The following RALGPS1 variants were observed in gnomAD, a reference collection of about 807,000 sequenced individuals.
RALGPS1 encodes the protein ras-specific guanine nucleotide-releasing factor RalGPS1.
Under a neutral mutation model 78.8 loss-of-function variants are expected in RALGPS1, and 19 were observed. The ratio of observed to expected loss-of-function variants is 0.24; its 90% CI spans 0.17 to 0.35. The LOEUF (loss-of-function observed/expected upper bound fraction) is 0.35. Ranked by LOEUF, RALGPS1 falls within the 10% of genes least tolerant of loss-of-function variation. The pLI is 1.00. For synonymous variants in RALGPS1, 228 were observed against 256.3 expected (o/e 0.89, Z 1.06); for missense variants, 454 against 688.3 (o/e 0.66, Z 3.81).
At chr9:126,935,294 A>T (rs1213643208) in intron 1 of RALGPS1, among the ~76,000 whole-genome samples, 1 of 152,084 alleles carries the variant, frequency 6.6e-6, no homozygotes, top group Non-Finnish European at 1.5e-5. Context: ...TGCTCAATAA[A>T]CGTTACAAGA....
rs534952299 is a variant in RALGPS1, at chr9:127,172,346, G to A, written c.843-2369G>A. On this transcript the variant is annotated intron_variant, in intron 10 of 18. Coordinates refer to ENST00000259351, the MANE Select transcript of RALGPS1 (RefSeq NM_014636.3). ...TAATTTTTTTTTTCCTCTTGTTAAGGGTCCTGTCTGCCTGGTAGGTGAAGA... is the reference window on the plus strand; with the variant it reads ...TAATTTTTTTTTTCCTCTTGTTAAGAGTCCTGTCTGCCTGGTAGGTGAAGA... Among the ~76,000 whole-genome samples, 291 of 152,196 alleles carry A rather than the reference G, an allele frequency of 1.9e-3. 1 individual carries two copies. Among genetic ancestry groups the A allele is most frequent in the Middle Eastern group, 6.8e-3 (2 of 294 alleles).
At chr9:127,194,691 G>T (rs1212942373) in intron 11 of RALGPS1, among the ~76,000 whole-genome samples, 1 of 152,204 alleles carries the variant, frequency 6.6e-6, no homozygotes, top group South Asian at 2.1e-4. Context: ...GGGATTACAG[G>T]CGTGAGCCAC....
At chr9:127,044,172 C>T (rs1209015122) in intron 5 of RALGPS1, among the ~76,000 whole-genome samples, 1 of 152,086 alleles carries the variant, frequency 6.6e-6, no homozygotes, top group Non-Finnish European at 1.5e-5. Context: ...GATAATAAAC[C>T]ATGGTAAATC....
At chr9:127,125,544 G>T (rs554759357) in intron 8 of RALGPS1, among the ~76,000 whole-genome samples, 1 of 152,186 alleles carries the variant, frequency 6.6e-6, no homozygotes, top group Non-Finnish European at 1.5e-5. Context: ...GAAGCATTCG[G>T]CCCTGCGCCC....
intron 8 of RALGPS1, among the ~76,000 whole-genome samples, chr9:127,070,341 A>C (rs1183037888): frequency 2.6e-5 from 4 of 152,178 alleles, no homozygotes; most frequent in Admixed American, 1.3e-4. Context: ...GTATTTCTAC[A>C]TTTTTGCTAT....
chr9:127,068,428 G>C (rs2049900371), intron 7 of RALGPS1, among the ~76,000 whole-genome samples: 1 of 152,190 alleles, frequency 6.6e-6, no homozygotes, highest in African/African-American at 2.4e-5. Flanking sequence ...TGAGCAGTCT[G>C]CTTTTCTACC....
intron 8 of RALGPS1, among the ~76,000 whole-genome samples, chr9:127,154,081 C>A (rs1343686827): frequency 5.3e-5 from 8 of 152,246 alleles, no homozygotes; most frequent in Non-Finnish European, 1.0e-4. Flanking sequence ...CCCCACCACA[C>A]AAGACCAGAC....
chr9:127,132,329 G>C (rs920162112), intron 8 of RALGPS1, among the ~76,000 whole-genome samples: 1 of 152,036 alleles, frequency 6.6e-6, no homozygotes, highest in African/African-American at 2.4e-5. Context: ...GGAAATAAAG[G>C]GTACGTTAAA....
intron 4 of RALGPS1, among the ~76,000 whole-genome samples, chr9:126,978,468 G>A (rs2040898165): frequency 6.6e-6 from 1 of 151,506 alleles, no homozygotes; most frequent in Admixed American, 6.6e-5. Flanking sequence ...TGTGAGATCA[G>A]GTAAACAAAA....
At chr9:127,152,136 C>G (rs910189308) in intron 8 of RALGPS1, among the ~76,000 whole-genome samples, 8 of 152,152 alleles carry the variant, frequency 5.3e-5, no homozygotes, top group African/African-American at 1.9e-4. Context: ...ATCACAGAAA[C>G]CTTGTCTTCT....
intron 8 of RALGPS1, among the ~76,000 whole-genome samples, chr9:127,103,647 G>A (rs2053944789): frequency 6.6e-6 from 1 of 152,194 alleles, no homozygotes; most frequent in Admixed American, 6.5e-5. Flanking sequence ...TAGGGAGGGG[G>A]AGCATGATGT....
At chr9:126,959,787 A>G (rs548052079) in intron 1 of RALGPS1, among the ~76,000 whole-genome samples, 59 of 152,244 alleles carry the variant, frequency 3.9e-4, no homozygotes, top group African/African-American at 1.2e-3. Context: ...CTTTACGTCT[A>G]TATGTTGACA....
intron 14 of RALGPS1, among the ~76,000 whole-genome samples, chr9:127,208,556 G>C (rs906880237): frequency 6.6e-6 from 1 of 152,130 alleles, no homozygotes; most frequent in African/African-American, 2.4e-5. Flanking sequence ...GGACGGTAAG[G>C]GTGCTTTACA....
chr9:127,054,477 G>GGGTCTTGCGCAGAGATAC (rs2048545982), intron 7 of RALGPS1, among the ~76,000 whole-genome samples: 1 of 152,194 alleles, frequency 6.6e-6, no homozygotes, highest in Non-Finnish European at 1.5e-5. Context: ...GGGTGTCTAA[G>GGGTCTTGCGCAGAGATAC]GGTCTTGCGC....
intron 1 of RALGPS1, among the ~76,000 whole-genome samples, chr9:126,934,659 C>T (rs1210212230): frequency 3.3e-5 from 5 of 152,180 alleles, no homozygotes; most frequent in East Asian, 1.9e-4. Flanking sequence ...CTCCTGTCAA[C>T]GGTTTTTTAA....
intron 8 of RALGPS1, among the ~76,000 whole-genome samples, chr9:127,127,561 G>T (rs1429590925): frequency 2.6e-5 from 4 of 152,112 alleles, no homozygotes; most frequent in Admixed American, 2.6e-4. Context: ...AAGATCCCAG[G>T]TTGGTACATC....
intron 8 of RALGPS1, among the ~76,000 whole-genome samples, chr9:127,098,957 T>C (rs964746892): frequency 6.6e-6 from 1 of 152,182 alleles, no homozygotes; most frequent in Non-Finnish European, 1.5e-5. Context: ...GCAGTGCCCC[T>C]CTTACTAGGA....
Position 127,222,013 on chromosome 9 carries a change from C to T in RALGPS1, c.*3244C>T, listed in dbSNP as rs1413840434. On this transcript the variant is annotated 3_prime_UTR_variant, in exon 19 of 19. Coordinates refer to ENST00000259351, the MANE Select transcript of RALGPS1 (RefSeq NM_014636.3). The stretch of plus-strand genomic sequence containing the variant: ...TCAGCTTTACATCATTTTTACATAT[C>T]AAGTGGTTTCATGTTAAAAAACAAA... 2 of 152,176 alleles carry T rather than the reference C, an allele frequency of 1.3e-5. No homozygotes were observed. Among genetic ancestry groups the T allele is most frequent in the Non-Finnish European group, 2.9e-5 (2 of 68,034 alleles). The allele number at this position is 152,176 out of a possible 1,614,324, so 9.4% of individuals were successfully genotyped here.
chr9:127,108,580 T>C, intron 8 of RALGPS1: 1 of 1,613,596 alleles, frequency 6.2e-7, no homozygotes, highest in Non-Finnish European at 8.5e-7. Context: ...GCACTTGTCC[T>C]GGGACTCGCC....
Sources: allele counts gnomAD v4.1 joint callset (sites outside exome capture counted in the v4.1 genomes callset), GRCh38; gene constraint gnomAD v4.1.1; transcripts MANE v1.5; gene names NCBI Gene and HGNC (gene_info 2026-07-23, HGNC 2026-07-21).